NTM: variants seen among roughly 807,000 people sequenced by gnomAD.
The protein encoded by NTM is neurotrimin.
In NTM, 13 loss-of-function variants were observed where a neutral mutation model predicts 42.1. The observed-to-expected ratio is 0.31, with a 90% CI of 0.20 to 0.49. The LOEUF (loss-of-function observed/expected upper bound fraction) is 0.49. NTM is among the 20% of genes least tolerant of loss of function. The probability of loss-of-function intolerance (pLI) is 0.99; values close to 1 mark genes in which losing one functional copy is unlikely to be tolerated. For missense variants in NTM, 373 were observed against 452.8 expected (o/e 0.82, Z 1.60); for synonymous variants, 187 against 179.2 (o/e 1.04, Z -0.35).
At chr11:131,540,272 C>A (rs1275733836) in intron 1 of NTM, among the ~76,000 whole-genome samples, 1 of 144,648 alleles carries the variant, frequency 6.9e-6, no homozygotes, top group African/African-American at 2.5e-5. Context: ...TCAACTGATT[C>A]TCCTGCCTCA....
intron 1 of NTM, among the ~76,000 whole-genome samples, chr11:131,408,074 G>A (rs1945998271): frequency 6.6e-6 from 1 of 152,222 alleles, no homozygotes. Context: ...AATGTGCAAT[G>A]CCTCAGTGCC....
chr11:132,085,686 T>C (rs1255660330), intron 2 of NTM, among the ~76,000 whole-genome samples: 1 of 152,238 alleles, frequency 6.6e-6, no homozygotes, highest in African/African-American at 2.4e-5. Context: ...AGAGCTCTTT[T>C]TTATAGATAT....
intron 4 of NTM, among the ~76,000 whole-genome samples, chr11:132,225,933 G>T (rs766549293): frequency 3.3e-5 from 5 of 151,866 alleles, no homozygotes; most frequent in Non-Finnish European, 7.4e-5. Context: ...TCATTGTTCA[G>T]CTCCCACTTA....
At chr11:131,681,935 C>A (rs1056899070) in intron 1 of NTM, among the ~76,000 whole-genome samples, 13 of 151,712 alleles carry the variant, frequency 8.6e-5, no homozygotes, top group African/African-American at 3.1e-4. Flanking sequence ...TGTGTTCTCA[C>A]CCTCACCCTG....
At chr11:132,028,997 T>C (rs1388877181) in intron 2 of NTM, among the ~76,000 whole-genome samples, 2 of 152,140 alleles carry the variant, frequency 1.3e-5, no homozygotes, top group Middle Eastern at 3.4e-3. Flanking sequence ...AACTCATCAG[T>C]TCCATTTTAG....
intron 2 of NTM, among the ~76,000 whole-genome samples, chr11:131,933,590 G>T (rs1409620734): frequency 4.6e-5 from 7 of 152,010 alleles, no homozygotes; most frequent in Non-Finnish European, 1.0e-4. Context: ...TAATGGCTCT[G>T]GACTGTGCCT....
At chr11:132,051,775 A>G (rs1344036530) in intron 2 of NTM, among the ~76,000 whole-genome samples, 1 of 152,224 alleles carries the variant, frequency 6.6e-6, no homozygotes, top group Non-Finnish European at 1.5e-5. Flanking sequence ...CTGATCCGGA[A>G]TGTGAGGAAC....
chr11:132,123,094 T>G (rs1445387742), intron 2 of NTM, among the ~76,000 whole-genome samples: 1 of 152,276 alleles, frequency 6.6e-6, no homozygotes, highest in East Asian at 1.9e-4. Flanking sequence ...TCTCTGCATC[T>G]CACTCCCCCT....
At chr11:131,680,621 G>A (rs111174060) in intron 1 of NTM, among the ~76,000 whole-genome samples, 4 of 106,188 alleles carry the variant, frequency 3.8e-5, no homozygotes, top group South Asian at 3.2e-4. Context: ...CTGTGTCTGT[G>A]AGTGCCTGTG....
chr11:132,119,945 A>G (rs188494226), intron 2 of NTM, among the ~76,000 whole-genome samples: 115 of 152,308 alleles, frequency 7.6e-4, no homozygotes, highest in African/African-American at 2.6e-3. Context: ...CACGCTATAT[A>G]AAGAGTATAT....
chr11:131,605,761 A>T (rs1450250962), intron 1 of NTM: 1 of 982,550 alleles, frequency 1.0e-6, no homozygotes. Flanking sequence ...TTTGAAAAAA[A>T]TAAATAAAGG....
intron 1 of NTM, among the ~76,000 whole-genome samples, chr11:131,572,227 G>T (rs1221502601): frequency 6.6e-6 from 1 of 152,094 alleles, no homozygotes; most frequent in Non-Finnish European, 1.5e-5. Context: ...GGGAGGCCAC[G>T]GGGTCAGACC....
intron 2 of NTM, among the ~76,000 whole-genome samples, chr11:132,016,889 T>C (rs950240190): frequency 6.6e-6 from 1 of 151,996 alleles, no homozygotes; most frequent in Non-Finnish European, 1.5e-5. Context: ...ATTCTGTTAA[T>C]GATGAATGAC....
chr11:132,314,970 T>A, intron 7 of NTM: 1 of 1,196,042 alleles, frequency 8.4e-7, no homozygotes. Flanking sequence ...TAAAAGTAGA[T>A]CTCAGAAGTG....
intron 1 of NTM, among the ~76,000 whole-genome samples, chr11:131,710,661 A>AC (rs1366646907): frequency 6.6e-6 from 1 of 152,222 alleles, no homozygotes; most frequent in Non-Finnish European, 1.5e-5. Flanking sequence ...TTGTAAAAAA[A>AC]ATGCAGACTC....
rs375811997 is a variant in NTM at position 131,477,420 on chromosome 11, C to T, written c.82+106532C>T. On this transcript the variant is annotated intron_variant, in intron 1 of 8. Coordinates refer to ENST00000683400, the MANE Select transcript of NTM (RefSeq NM_001352005.2). ...GCATTTGGGTTGATGTTGCCATTCT[C>T]GGTGGCCAGAGCATCTAATATGAAC... Among the ~76,000 whole-genome samples the T allele has an allele frequency of 6.6e-5, 10 of 151,996 alleles. No homozygotes were observed. In the East Asian group the frequency reaches 1.2e-3, roughly 18 times the overall value.
At chr11:131,814,032 C>A (rs1195935569) in intron 1 of NTM, among the ~76,000 whole-genome samples, 1 of 152,116 alleles carries the variant, frequency 6.6e-6, no homozygotes, top group Non-Finnish European at 1.5e-5. Context: ...TTATTATTAT[C>A]TGTCATTTAA....
intron 2 of NTM, among the ~76,000 whole-genome samples, chr11:132,116,250 C>T (rs1395180521): frequency 5.3e-5 from 8 of 152,180 alleles, no homozygotes; most frequent in African/African-American, 1.9e-4. Context: ...TGGAGGGACA[C>T]AGGGTGAGAA....
intron 1 of NTM, among the ~76,000 whole-genome samples, chr11:131,841,136 T>G (rs1040993383): frequency 6.6e-6 from 1 of 152,208 alleles, no homozygotes; most frequent in Admixed American, 6.5e-5. Context: ...TAAAAATGAC[T>G]AGGATGTTGT....
Sources: allele counts gnomAD v4.1 joint callset (sites outside exome capture counted in the v4.1 genomes callset), GRCh38; gene constraint gnomAD v4.1.1; transcripts MANE v1.5; gene names NCBI Gene and HGNC (gene_info 2026-07-23, HGNC 2026-07-21).